The following SHB variants were observed in gnomAD, a reference collection of about 807,000 sequenced individuals.
SHB encodes SH2 domain containing adaptor protein B.
In SHB, 20 loss-of-function variants were observed where a neutral mutation model predicts 52.3. The observed-to-expected ratio is 0.38, with a 90% CI of 0.27 to 0.56. The LOEUF (loss-of-function observed/expected upper bound fraction) is 0.56. Ranked by LOEUF, SHB falls within the 20% of genes least tolerant of loss-of-function variation. SHB has a pLI of 0.71. For synonymous variants in SHB, 397 were observed against 316.5 expected (o/e 1.25, Z -2.70); for missense variants, 825 against 723.3 (o/e 1.14, Z -1.61).
chr9:38,015,945 GTGCC>G, intron 2 of SHB, 62 bp downstream of exon 2: 5 of 1,559,330 alleles, frequency 3.2e-6, no homozygotes, highest in Non-Finnish European at 4.4e-6. Flanking sequence ...CCACCCGGCA[GTGCC>G]CTCACTCCCT....
intron 1 of SHB, among the ~76,000 whole-genome samples, chr9:38,061,347 C>A (rs752624397): frequency 6.6e-6 from 1 of 151,810 alleles, no homozygotes; most frequent in Non-Finnish European, 1.5e-5. Flanking sequence ...AAATACATCA[C>A]CCCTACCACC....
At chr9:37,955,794 G>A in intron 4 of SHB, 89 bp downstream of exon 4, 2 of 1,326,218 alleles carry the variant, frequency 1.5e-6, no homozygotes, top group Non-Finnish European at 2.1e-6. Context: ...GGCCCAGTCT[G>A]TGGATTTTTA....
At position 37,968,522 on chromosome 9, in the gene SHB, G is replaced by A. The variant is rs569213390; in HGVS notation, c.1054+6100C>T. Among the ~76,000 whole-genome samples, 3 of 152,356 alleles carry A rather than the reference G, an allele frequency of 2.0e-5. No individual in the cohort carries two copies. The East Asian group carries it at 5.8e-4, about 29-fold the overall frequency. ...GTATGCTGAGCAGTATTTGAGTCAT[G>A]TGTCTTTTATCTTTGCTATGAGGCA... On this transcript the variant is annotated intron_variant, in intron 3 of 5. Coordinates refer to ENST00000377707, the MANE Select transcript of SHB (RefSeq NM_003028.3).
intron 5 of SHB, among the ~76,000 whole-genome samples, chr9:37,923,970 C>A (rs372371720): frequency 2.0e-5 from 3 of 152,236 alleles, no homozygotes; most frequent in Non-Finnish European, 4.4e-5. Flanking sequence ...TTCCACACCT[C>A]GGCACCGTCA....
rs186959953 is a variant in SHB at position 38,051,772 on chromosome 9, G to A, written c.717+16157C>T. ...AGCGTTTCTTCTGAGCCTGTAAAGC[G>A]AGCTCTGCCGGTCAGAGTGGCCCTC... On this transcript the variant is annotated intron_variant, in intron 1 of 5. Coordinates refer to ENST00000377707, the MANE Select transcript of SHB (RefSeq NM_003028.3). 4.6e-5 allele frequency among the ~76,000 whole-genome samples: 7 copies of A among 152,320 alleles called. No homozygotes were observed. In the East Asian group the frequency reaches 1.2e-3, roughly 25 times the overall value.
intron 2 of SHB, among the ~76,000 whole-genome samples, chr9:38,006,416 G>A (rs117724440): frequency 0.025 from 3,735 of 152,304 alleles, 96 homozygotes; most frequent in Non-Finnish European, 0.034. Context: ...GGAGCTGGGC[G>A]GGTACAGGAT....
chr9:38,016,298 G>A (rs1357544574), intron 1 of SHB, among the ~76,000 whole-genome samples, 167 bp from the exon 2 acceptor site: 1 of 152,236 alleles, frequency 6.6e-6, no homozygotes, highest in African/African-American at 2.4e-5. Context: ...CAGGGGTAAC[G>A]AATGGGACCC....
intron 1 of SHB, among the ~76,000 whole-genome samples, 174 bp from the exon 2 acceptor site, chr9:38,016,305 A>AC (rs768180594): frequency 5.3e-5 from 8 of 152,174 alleles, no homozygotes; most frequent in Non-Finnish European, 1.0e-4. Flanking sequence ...AACGAATGGG[A>AC]CCCATACTGG....
chr9:37,942,371 G>A (rs560807186), intron 5 of SHB, among the ~76,000 whole-genome samples: 1 of 152,334 alleles, frequency 6.6e-6, no homozygotes, highest in East Asian at 1.9e-4. Context: ...GAGGAAAGTG[G>A]TCTAGTCATA....
intron 5 of SHB, among the ~76,000 whole-genome samples, chr9:37,944,297 C>G (rs577095141): frequency 1.3e-5 from 2 of 152,274 alleles, no homozygotes; most frequent in Non-Finnish European, 2.9e-5. Flanking sequence ...GCAGCTTGGG[C>G]TGATCCAGGG....
intron 1 of SHB, among the ~76,000 whole-genome samples, chr9:38,022,270 T>C (rs1338086117): frequency 6.6e-6 from 1 of 152,150 alleles, no homozygotes; most frequent in African/African-American, 2.4e-5. Context: ...AGGGCCACAG[T>C]AATGAACAGT....
chr9:37,924,524 C>T (rs186220718), intron 5 of SHB, among the ~76,000 whole-genome samples: 1 of 152,176 alleles, frequency 6.6e-6, no homozygotes, highest in Non-Finnish European at 1.5e-5. Flanking sequence ...TGTGTGGGAC[C>T]CAGTTACAGG....
At chr9:38,021,306 C>T (rs991319810) in intron 1 of SHB, among the ~76,000 whole-genome samples, 3 of 151,560 alleles carry the variant, frequency 2.0e-5, no homozygotes, top group African/African-American at 7.3e-5. Context: ...CGCCATTGCA[C>T]TCCAGCCTGG....
At chr9:37,926,897 C>A (rs1212140851) in intron 5 of SHB, among the ~76,000 whole-genome samples, 1 of 152,096 alleles carries the variant, frequency 6.6e-6, no homozygotes, top group East Asian at 1.9e-4. Flanking sequence ...TCACCCAGAG[C>A]CCAGGCAGAT....
At chr9:38,043,758 A>G (rs1007358929) in intron 1 of SHB, among the ~76,000 whole-genome samples, 1 of 152,134 alleles carries the variant, frequency 6.6e-6, no homozygotes, top group Non-Finnish European at 1.5e-5. Context: ...GTGTGGTGGC[A>G]CATGCCTGTA....
At chr9:37,941,068 T>C (rs973117043) in intron 5 of SHB, among the ~76,000 whole-genome samples, 1 of 152,192 alleles carries the variant, frequency 6.6e-6, no homozygotes, top group Non-Finnish European at 1.5e-5. Context: ...GGAGCCTGGA[T>C]TGGACTCCAG....
At chr9:38,032,918 G>C (rs1197533943) in intron 1 of SHB, among the ~76,000 whole-genome samples, 1 of 152,240 alleles carries the variant, frequency 6.6e-6, no homozygotes, top group Admixed American at 6.5e-5. Flanking sequence ...TGCTTCTCTA[G>C]AAAGAGTGAG....
At chr9:37,988,343 A>C (rs1380262637) in intron 2 of SHB, among the ~76,000 whole-genome samples, 1 of 152,154 alleles carries the variant, frequency 6.6e-6, no homozygotes, top group Non-Finnish European at 1.5e-5. Context: ...AGAGGGGTTG[A>C]ACCAGATGAT....
At chr9:38,016,816 TGAGCAGA>T (rs1455364405) in intron 1 of SHB, among the ~76,000 whole-genome samples, 1 of 152,214 alleles carries the variant, frequency 6.6e-6, no homozygotes, top group African/African-American at 2.4e-5. Context: ...AGGTCCAGTG[TGAGCAGA>T]GGCTTGGCCA....
Sources: allele counts gnomAD v4.1 joint callset (sites outside exome capture counted in the v4.1 genomes callset), GRCh38; gene constraint gnomAD v4.1.1; transcripts MANE v1.5; gene names NCBI Gene and HGNC (gene_info 2026-07-23, HGNC 2026-07-21).